The following BMAL1 variants were observed in gnomAD, a reference collection of about 807,000 sequenced individuals.
BMAL1 encodes the protein basic helix-loop-helix ARNT-like protein 1.
the BMAL1 span, among the ~76,000 whole-genome samples, chr11:13,385,501 G>T: frequency 1.3e-5 from 2 of 152,296 alleles, no homozygotes; most frequent in South Asian, 2.1e-4. Flanking sequence ...GGAGAGAAAA[G>T]AATAGTTCGG....
the BMAL1 span, among the ~76,000 whole-genome samples, chr11:13,343,451 T>G: frequency 2.0e-5 from 3 of 152,302 alleles, no homozygotes; most frequent in South Asian, 6.2e-4. Context: ...ACCATTTTGT[T>G]TGCTCTGCTG....
chr11:13,372,480 A>AG, the BMAL1 span: 1 of 1,574,012 alleles, frequency 6.4e-7, no homozygotes, highest in Non-Finnish European at 8.6e-7. Context: ...AAAGCAGAGA[A>AG]GACTGGGCCA....
At chr11:13,385,648 A>G in the BMAL1 span, 2 of 1,497,294 alleles carry the variant, frequency 1.3e-6, no homozygotes, top group South Asian at 2.3e-5. Context: ...ATTGCTCATA[A>G]TACTGATTCA....
the BMAL1 span, among the ~76,000 whole-genome samples, chr11:13,328,655 T>C: frequency 6.6e-6 from 1 of 152,228 alleles, no homozygotes; most frequent in African/African-American, 2.4e-5. Context: ...AAATGGAACT[T>C]GGATTTTGGG....
At chr11:13,289,663 C>T in the BMAL1 span, among the ~76,000 whole-genome samples, 1 of 152,118 alleles carries the variant, frequency 6.6e-6, no homozygotes. Context: ...ATAGTTTGCT[C>T]AGAATGATGG....
the BMAL1 span, among the ~76,000 whole-genome samples, chr11:13,288,010 G>A: frequency 6.6e-6 from 1 of 152,308 alleles, no homozygotes; most frequent in South Asian, 2.1e-4. Context: ...AGGCTTCATA[G>A]AACTGGTCAG....
chr11:13,284,288 G>T, the BMAL1 span, among the ~76,000 whole-genome samples: 9 of 124,212 alleles, frequency 7.2e-5, no homozygotes, highest in Admixed American at 1.7e-4. Context: ...AATGCCAGTT[G>T]TTCCCCAAAT....
chr11:13,375,559 T>C, the BMAL1 span: 1 of 1,448,484 alleles, frequency 6.9e-7, no homozygotes, highest in Non-Finnish European at 9.2e-7. Context: ...ATGTCCTGTT[T>C]AATACTTTGG....
the BMAL1 span, among the ~76,000 whole-genome samples, chr11:13,318,144 G>C: frequency 2.0e-5 from 3 of 152,182 alleles, no homozygotes; most frequent in South Asian, 6.2e-4. Context: ...TCCATGGCCT[G>C]CTTGGCCCCT....
the BMAL1 span, among the ~76,000 whole-genome samples, chr11:13,298,491 T>C: frequency 1.3e-5 from 2 of 151,956 alleles, no homozygotes; most frequent in African/African-American, 4.9e-5. Flanking sequence ...ATCTAATATA[T>C]TATACGTTTT....
the BMAL1 span, among the ~76,000 whole-genome samples, chr11:13,311,581 G>A: frequency 6.6e-6 from 1 of 152,202 alleles, no homozygotes; most frequent in Non-Finnish European, 1.5e-5. Context: ...CTCATAGAAG[G>A]TTTGGGTAGT....
chr11:13,287,732 C>A, the BMAL1 span, among the ~76,000 whole-genome samples: 1 of 152,178 alleles, frequency 6.6e-6, no homozygotes, highest in Admixed American at 6.5e-5. Flanking sequence ...GTTGTCCCTG[C>A]CCTGCTGATG....
At chr11:13,277,745 G>C in the BMAL1 span, 1 of 149,616 alleles carries the variant, frequency 6.7e-6, no homozygotes, top group South Asian at 2.1e-4. Flanking sequence ...TGGGCGGGGG[G>C]CCGGGCCTGG....
At chr11:13,361,506 A>G in the BMAL1 span, among the ~76,000 whole-genome samples, 1 of 152,168 alleles carries the variant, frequency 6.6e-6, no homozygotes, top group African/African-American at 2.4e-5. Flanking sequence ...GCAAAGCTCT[A>G]GAGTAGAGGG....
chr11:13,334,285 C>T, the BMAL1 span, among the ~76,000 whole-genome samples: 1 of 152,186 alleles, frequency 6.6e-6, no homozygotes, highest in Non-Finnish European at 1.5e-5. Flanking sequence ...CAAAAATAAG[C>T]CCATGGTGCA....
the BMAL1 span, among the ~76,000 whole-genome samples, chr11:13,311,212 C>G: frequency 6.6e-6 from 1 of 152,238 alleles, no homozygotes; most frequent in African/African-American, 2.4e-5. Context: ...AAATGCAGGG[C>G]TGAAGCCTGG....
the BMAL1 span, among the ~76,000 whole-genome samples, chr11:13,283,954 C>T: frequency 6.6e-6 from 1 of 151,492 alleles, no homozygotes; most frequent in Non-Finnish European, 1.5e-5. Flanking sequence ...CCCCACCTCC[C>T]ACCCTCATCT....
At chr11:13,355,063 T>G in the BMAL1 span, 1 of 559,438 alleles carries the variant, frequency 1.8e-6, no homozygotes, top group Non-Finnish European at 3.2e-6. Flanking sequence ...TACAAACACC[T>G]AGGGAATAAG....
chr11:13,294,092 G>C, the BMAL1 span, among the ~76,000 whole-genome samples: 1 of 152,034 alleles, frequency 6.6e-6, no homozygotes, highest in Admixed American at 6.6e-5. Flanking sequence ...GGAAAATGGG[G>C]GCTCAGTGGA....
Sources: allele counts gnomAD v4.1 joint callset (sites outside exome capture counted in the v4.1 genomes callset), GRCh38; gene constraint gnomAD v4.1.1; transcripts MANE v1.5; gene names NCBI Gene and HGNC (gene_info 2026-07-23, HGNC 2026-07-21).